Variants in NYAP2 observed in about 807,000 individuals in gnomAD.
NYAP2 encodes neuronal tyrosine-phosphorylated phosphoinositide-3-kinase adapter 2.
In NYAP2, 23 loss-of-function variants were observed where a neutral mutation model predicts 50.4. The ratio of observed to expected loss-of-function variants is 0.46; its 90% CI spans 0.33 to 0.65. The LOEUF (loss-of-function observed/expected upper bound fraction) is 0.65, where lower values mean the gene tolerates loss of function less well. NYAP2 is among the 30% of genes least tolerant of loss of function. The pLI is 0.02. For missense variants in NYAP2, 885 were observed against 861.0 expected, an observed-to-expected ratio of 1.03 and a Z score of -0.35; for synonymous variants, 394 against 365.2, an observed-to-expected ratio of 1.08 and a Z score of -0.90.
At chr2:225,425,694 C>T (rs13031870) in intron 3 of NYAP2, among the ~76,000 whole-genome samples, 120,490 of 152,168 alleles carry the variant, frequency 0.79, 47,911 homozygotes, top group Non-Finnish European at 0.82. Flanking sequence ...GACTGTTGTG[C>T]AGAGAATAAT....
At chr2:225,666,686 T>C in the NYAP2 span, among the ~76,000 whole-genome samples, 2 of 152,294 alleles carry the variant, frequency 1.3e-5, no homozygotes, top group South Asian at 2.1e-4. Context: ...TTTGAAGTCT[T>C]AAAGTGGCTG....
intron 4 of NYAP2, among the ~76,000 whole-genome samples, chr2:225,516,132 GC>G (rs1270374432): frequency 6.6e-6 from 1 of 152,046 alleles, no homozygotes; most frequent in Non-Finnish European, 1.5e-5. Flanking sequence ...AATTTGAGTG[GC>G]CATTCACTTG....
chr2:225,476,448 C>T (rs1307605275), intron 3 of NYAP2, among the ~76,000 whole-genome samples: 2 of 152,034 alleles, frequency 1.3e-5, no homozygotes, highest in Admixed American at 1.3e-4. Flanking sequence ...AAAAAATATG[C>T]CAGGTTTTTG....
chr2:225,560,854 C>T (rs1180042880), intron 4 of NYAP2, among the ~76,000 whole-genome samples: 1 of 150,764 alleles, frequency 6.6e-6, no homozygotes, highest in Non-Finnish European at 1.5e-5. Flanking sequence ...CCACATATTC[C>T]ATCCTAGCTT....
intron 6 of NYAP2, among the ~76,000 whole-genome samples, chr2:225,635,734 A>G (rs1303714951): frequency 6.6e-6 from 1 of 152,174 alleles, no homozygotes; most frequent in Non-Finnish European, 1.5e-5. Context: ...TTGAGTCTGC[A>G]TTTATAGATG....
intron 5 of NYAP2, among the ~76,000 whole-genome samples, chr2:225,588,631 A>C (rs780796400): frequency 6.6e-6 from 1 of 152,174 alleles, no homozygotes; most frequent in Non-Finnish European, 1.5e-5. Flanking sequence ...ATTTTGGAAA[A>C]AGTATTTTTA....
rs1036755358 is a variant in NYAP2, at chr2:225,579,666, G to A, written c.524-2275G>A. 2.6e-5 allele frequency among the ~76,000 whole-genome samples: 4 copies of A among 152,160 alleles called. No homozygotes were observed. In the East Asian group the frequency reaches 5.8e-4, roughly 22 times the overall value. Reference sequence around the variant, plus strand: ...TTGTCACCAGTGTTGTTCATCAACCGTTGCTTCTCTGAATGCCGTGCCATG... The same window carrying A: ...TTGTCACCAGTGTTGTTCATCAACCATTGCTTCTCTGAATGCCGTGCCATG... On this transcript the variant is annotated intron_variant, in intron 4 of 6. Coordinates refer to ENST00000636099, the Ensembl canonical transcript of NYAP2.
At chr2:225,444,184 T>A (rs919955318) in intron 3 of NYAP2, among the ~76,000 whole-genome samples, 1 of 152,206 alleles carries the variant, frequency 6.6e-6, no homozygotes, top group African/African-American at 2.4e-5. Flanking sequence ...AAGCCGATGA[T>A]TCCCAGAGAG....
Position 225,551,474 on chromosome 2 carries a change from C to T in NYAP2, c.524-30467C>T, listed in dbSNP as rs140632985. On this transcript the variant is annotated intron_variant, in intron 4 of 6. Transcript: ENST00000636099. Reference sequence around the variant, plus strand: ...GTAGCATGAGAGACTTCAGCTATACCACATGGAGCAGAACTTCCCAGATGA... The same window carrying T: ...GTAGCATGAGAGACTTCAGCTATACTACATGGAGCAGAACTTCCCAGATGA... Among the ~76,000 whole-genome samples, 15 of 152,250 alleles carry T rather than the reference C, an allele frequency of 9.9e-5. No homozygotes were observed. The East Asian group carries it at 2.5e-3, about 25-fold the overall frequency.
intron 4 of NYAP2, among the ~76,000 whole-genome samples, chr2:225,532,309 G>C (rs994489495): frequency 6.6e-6 from 1 of 152,114 alleles, no homozygotes; most frequent in African/African-American, 2.4e-5. Flanking sequence ...TGCTTTAATT[G>C]ACTTCAGTGA....
At chr2:225,613,904 T>G (rs1692941551) in intron 5 of NYAP2, among the ~76,000 whole-genome samples, 1 of 152,194 alleles carries the variant, frequency 6.6e-6, no homozygotes, top group African/African-American at 2.4e-5. Flanking sequence ...AAAAAGAACG[T>G]AGACACTCTC....
At chr2:225,498,478 T>C (rs1271866277) in intron 3 of NYAP2, among the ~76,000 whole-genome samples, 1 of 152,128 alleles carries the variant, frequency 6.6e-6, no homozygotes, top group Non-Finnish European at 1.5e-5. Context: ...TAAGCAGAGC[T>C]TAAATTCCTT....
intron 4 of NYAP2, among the ~76,000 whole-genome samples, chr2:225,562,872 T>A (rs563306759): frequency 6.6e-6 from 1 of 152,248 alleles, no homozygotes; most frequent in East Asian, 1.9e-4. Context: ...GACAGCATCT[T>A]TTCTCTTACT....
chr2:225,403,584 C>G (rs914864657), intron 2 of NYAP2, among the ~76,000 whole-genome samples: 1 of 151,860 alleles, frequency 6.6e-6, no homozygotes, highest in South Asian at 2.1e-4. Context: ...CAAAACAGAG[C>G]CTTTTCTCCC....
intron 5 of NYAP2, among the ~76,000 whole-genome samples, chr2:225,618,215 A>G (rs894528030): frequency 1.3e-5 from 2 of 152,218 alleles, no homozygotes; most frequent in Admixed American, 6.5e-5. Flanking sequence ...GACTGCTGGA[A>G]TTAAAACCAA....
intron 4 of NYAP2, among the ~76,000 whole-genome samples, chr2:225,554,474 CCA>C (rs1691738503): frequency 6.6e-6 from 1 of 151,948 alleles, no homozygotes; most frequent in East Asian, 1.9e-4. Context: ...GTGGGCACTA[CCA>C]CACATGGCTA....
At chr2:225,456,849 T>A (rs1011500962) in intron 3 of NYAP2, among the ~76,000 whole-genome samples, 1 of 152,190 alleles carries the variant, frequency 6.6e-6, no homozygotes, top group Non-Finnish European at 1.5e-5. Flanking sequence ...ATGTGCTTAT[T>A]AGGGCCCACT....
At chr2:225,603,900 A>G (rs991080929) in intron 5 of NYAP2, among the ~76,000 whole-genome samples, 1 of 152,186 alleles carries the variant, frequency 6.6e-6, no homozygotes, top group African/African-American at 2.4e-5. Context: ...AACAATGGAT[A>G]TTGAAACCCT....
At chr2:225,518,507 A>C (rs1474773971) in intron 4 of NYAP2, among the ~76,000 whole-genome samples, 1 of 126,946 alleles carries the variant, frequency 7.9e-6, no homozygotes, top group African/African-American at 2.9e-5. Flanking sequence ...ACAAAAAAAA[A>C]CAGTATGTGA....
Sources: gnomAD v4.1 joint callset for allele counts (sites outside exome capture counted in the v4.1 genomes callset) on GRCh38, gnomAD v4.1.1 for gene constraint, MANE v1.5 for transcripts, NCBI Gene and HGNC (gene_info 2026-07-23, HGNC 2026-07-21) for gene names.